Variants in ITGAD observed in about 807,000 individuals in gnomAD.
The protein encoded by ITGAD is integrin alpha-D.
Under a neutral mutation model 139.0 loss-of-function variants are expected in ITGAD, and 105 were observed. The observed-to-expected ratio is 0.76, with a 90% CI of 0.65 to 0.89. The LOEUF is 0.89. Ranked by LOEUF, ITGAD falls within the 40% of genes least tolerant of loss-of-function variation. The pLI is 0.00. For missense variants in ITGAD, 1,384 were observed against 1,487.3 expected (o/e 0.93, Z 1.14); for synonymous variants, 569 against 598.3 (o/e 0.95, Z 0.71).
At chr16:31,394,686 T>A (rs28650906) in intron 2 of ITGAD, among the ~76,000 whole-genome samples, 2 of 152,200 alleles carry the variant, frequency 1.3e-5, no homozygotes, top group African/African-American at 4.8e-5. Flanking sequence ...ATTATTTTTA[T>A]TTTTATTTTT....
chr16:31,420,754 A>G (rs1242915705), intron 23 of ITGAD, among the ~76,000 whole-genome samples: 1 of 152,030 alleles, frequency 6.6e-6, no homozygotes, highest in Non-Finnish European at 1.5e-5. Context: ...TTGTATTTTT[A>G]GTAGAGACAG....
intron 2 of ITGAD, among the ~76,000 whole-genome samples, chr16:31,395,048 G>A (rs2081230611): frequency 6.6e-6 from 1 of 152,184 alleles, no homozygotes; most frequent in Non-Finnish European, 1.5e-5. Context: ...TGGGCACCAT[G>A]GCTCACGCCT....
At chr16:31,425,749 C>T (rs2082102225) in intron 29 of ITGAD, among the ~76,000 whole-genome samples, 1 of 149,450 alleles carries the variant, frequency 6.7e-6, no homozygotes, top group African/African-American at 2.5e-5. Context: ...GTGGCATGAT[C>T]TTGGCTCACG....
In ITGAD at chr16:31,423,944, G is replaced by A. The variant is rs868343414; in HGVS notation, c.3145G>A (p.Gly1049Ser). The A allele has an allele frequency of 3.1e-6, 5 of 1,614,192 alleles. No homozygotes were observed. Among genetic ancestry groups the A allele is most frequent in the East Asian group, 4.5e-5 (2 of 44,878 alleles). The change falls in exon 27 of 30, where the codon GGC (glycine) becomes AGC (serine). Residue 1049 changes from glycine to serine, a missense_variant. Coordinates refer to ENST00000389202, the MANE Select transcript of ITGAD (RefSeq NM_005353.3). ...CACCCTGAAGGGCAATCTCAGTTTC[G>A]GCTGGGTCCGCGAGGTGTGTGGGGG... The part of the protein sequence containing the change: ...DFTLKGNLSF[G>S]WVRETLQKKV...
At position 31,423,452 on chromosome 16, in the gene ITGAD, C is replaced by A. The variant is rs1026342108; in HGVS notation, c.2960C>A (p.Pro987Gln). Residue 987 changes from proline (P) to glutamine (Q), a missense_variant, in exon 25 of 30, where the codon CCA becomes CAA. Transcript: ENST00000389202. ...GTGTGGGATGTGGTCATGGAGGCCC[C>A]ATCTCAGGTACCCGCCTATCTCTCC... is the stretch of plus-strand genomic sequence containing the variant. ...VAVWDVVMEA[P>Q]SQSLPCVSER... is the part of the protein sequence containing the mutation. The A allele has an allele frequency of 2.5e-6, 4 of 1,613,790 alleles. No individual in the cohort carries two copies. Among genetic ancestry groups the A allele is most frequent in the Non-Finnish European group, 2.5e-6 (3 of 1,179,692 alleles).
rs1419290670 is a variant in ITGAD, at chr16:31,403,622, G to A, written c.681G>A (p.Thr227=). The A allele has an allele frequency of 6.8e-6, 11 of 1,614,008 alleles. No homozygotes were observed. The highest frequency in any genetic ancestry group is 1.7e-5 in the Admixed American group (1 of 59,984). Residue 227 remains threonine (T), a synonymous_variant, in exon 7 of 30, where the codon ACG becomes ACA. Coordinates refer to ENST00000389202, the MANE Select transcript of ITGAD (RefSeq NM_005353.3). The surrounding 1 kb of genome is among the most constrained non-coding windows in gnomAD (Gnocchi z 4.4). Reference sequence around the variant, plus strand: ...TCCAACTGAAAGGCCTGACGTTCACGGCCACGGGCATCCTGACAGTGGTGT... The same window carrying A: ...TCCAACTGAAAGGCCTGACGTTCACAGCCACGGGCATCCTGACAGTGGTGT... The part of the protein sequence containing the change: ...PIVQLKGLTF[T]ATGILTVVTQ...
intron 3 of ITGAD, 57 bp downstream of exon 3, chr16:31,397,519 C>T (rs1023967477): frequency 6.9e-6 from 11 of 1,582,754 alleles, no homozygotes; most frequent in Middle Eastern, 1.7e-4. Context: ...ACTGTGCCCC[C>T]GCTTAGCTTC....
At chr16:31,393,428 G>T in intron 1 of ITGAD, 37 bp downstream of exon 1, 1 of 1,611,974 alleles carries the variant, frequency 6.2e-7, no homozygotes, top group South Asian at 1.1e-5. Flanking sequence ...AAGCTTGGAG[G>T]AGTTCTGAGG....
chr16:31,424,084 C>T lies in ITGAD; in HGVS notation c.3160-18C>T, dbSNP rs367984659. ...CCCCCAGAGCCAGTTCCACAGGTTT[C>T]CCCCAACCCCTTTGCAGACATTGCA... On this transcript the variant is annotated intron_variant, in intron 27 of 29. Coordinates refer to ENST00000389202, the MANE Select transcript of ITGAD (RefSeq NM_005353.3). The T allele has an allele frequency of 2.0e-5, 33 of 1,614,076 alleles. No individual in the cohort carries two copies. In the African/African-American group the frequency reaches 3.2e-4, roughly 16 times the overall value.
In ITGAD at chr16:31,426,038, C is replaced by T. The variant is rs755308065; in HGVS notation, c.3396C>T (p.Tyr1132=). The T allele has an allele frequency of 8.1e-5, 131 of 1,613,712 alleles. 1 individual carries two copies. The South Asian group carries it at 9.0e-4, about 11-fold the overall frequency. Residue 1132 remains tyrosine (Y), a synonymous_variant, in exon 30 of 30, where the codon TAC becomes TAT. Coordinates refer to ENST00000389202, the MANE Select transcript of ITGAD (RefSeq NM_005353.3). ...AGCTTGGCTTCTTCAAACGCCACTA[C>T]AAGGAAATGCTGGAGGACAAGCCTG... ...LYKLGFFKRH[Y]KEMLEDKPED...
At chr16:31,396,027 G>A (rs913115682) in intron 2 of ITGAD, among the ~76,000 whole-genome samples, 6 of 152,248 alleles carry the variant, frequency 3.9e-5, no homozygotes, top group Non-Finnish European at 5.9e-5. Flanking sequence ...ACACATGTGC[G>A]TGCCTGGGTG....
intron 7 of ITGAD, among the ~76,000 whole-genome samples, chr16:31,406,134 G>T (rs1341008081): frequency 6.6e-6 from 1 of 152,008 alleles, no homozygotes; most frequent in Non-Finnish European, 1.5e-5. Flanking sequence ...GAGTGCAACG[G>T]CATGATCTCG....
At chr16:31,402,590 A>G (rs1266028987) in intron 6 of ITGAD, 1 of 180,016 alleles carries the variant, frequency 5.6e-6, no homozygotes, top group Non-Finnish European at 1.2e-5. Context: ...GTGCCTATGT[A>G]TGTGCAAAAA....
intron 5 of ITGAD, among the ~76,000 whole-genome samples, chr16:31,399,622 G>A (rs1177936963): frequency 3.9e-5 from 6 of 152,200 alleles, no homozygotes; most frequent in Non-Finnish European, 8.8e-5. Flanking sequence ...AGATGTCTGT[G>A]AAGCCAGGTT....
chr16:31,416,475 G>C (rs576038988), intron 19 of ITGAD, 30 bp from the exon 20 acceptor site: 5 of 1,595,032 alleles, frequency 3.1e-6, no homozygotes, highest in Middle Eastern at 1.7e-4. Flanking sequence ...CCAGTGGAGC[G>C]CCACTCCCAG....
chr16:31,419,432 T>C lies in ITGAD; in HGVS notation c.2780+868T>C, dbSNP rs140007557. On this transcript the variant is annotated intron_variant, in intron 23 of 29. Transcript: ENST00000389202. Reference sequence around the variant, plus strand: ...GCATGGGTTTGTAGCCCAGGAGCAATAGGCTATACCATATCACCTAGCTGT... The same window carrying C: ...GCATGGGTTTGTAGCCCAGGAGCAACAGGCTATACCATATCACCTAGCTGT... 9.1e-3 allele frequency among the ~76,000 whole-genome samples: 1,393 copies of C among 152,262 alleles called. 9 individuals carry two copies. The highest frequency in any genetic ancestry group is 0.014 in the Non-Finnish European group (977 of 68,020).
chr16:31,410,078 C>G lies in ITGAD; in HGVS notation c.1084-317C>G, dbSNP rs118017918. ...CTTTGATGGGGAAGGGTCCTAGGTA[C>G]CACCGTAAGGGCCTTGGTGATGGTT... On this transcript the variant is annotated intron_variant, in intron 10 of 29. Coordinates refer to ENST00000389202, the MANE Select transcript of ITGAD (RefSeq NM_005353.3). Among the ~76,000 whole-genome samples, 391 of 152,052 alleles carry G rather than the reference C, an allele frequency of 2.6e-3. 11 individuals carry two copies. The East Asian group carries it at 0.065, about 25-fold the overall frequency.
intron 2 of ITGAD, among the ~76,000 whole-genome samples, chr16:31,397,013 G>A (rs554079313): frequency 2.8e-5 from 4 of 145,400 alleles, no homozygotes; most frequent in South Asian, 4.5e-4. Context: ...ACTCAGAAAC[G>A]CAATGTGCTT....
intron 29 of ITGAD, among the ~76,000 whole-genome samples, chr16:31,425,262 G>T (rs888994039): frequency 6.6e-6 from 1 of 150,956 alleles, no homozygotes; most frequent in African/African-American, 2.4e-5. Context: ...AGTAGAGAGA[G>T]GTTTCACCAT....
Sources: gnomAD v4.1 joint callset for allele counts (sites outside exome capture counted in the v4.1 genomes callset) on GRCh38, gnomAD v4.1.1 for gene constraint, Gnocchi (gnomAD v3.1) non-coding constraint, MANE v1.5 for transcripts, NCBI Gene and HGNC (gene_info 2026-07-23, HGNC 2026-07-21) for gene names.